Variants in CLIP3 observed in about 807,000 individuals in gnomAD.
The protein encoded by CLIP3 is CAP-Gly domain containing linker protein 3, also known as CAP-Gly domain-containing linker protein 3.
In CLIP3, 15 loss-of-function variants were observed where a neutral mutation model predicts 59.4. The observed-to-expected ratio is 0.25, with a 90% CI of 0.17 to 0.39. The LOEUF (loss-of-function observed/expected upper bound fraction) is 0.39. Among genes scored for constraint, CLIP3 ranks in the 10% least tolerant of loss-of-function variants. The pLI is 1.00. For synonymous variants in CLIP3, 300 were observed against 321.6 expected, an observed-to-expected ratio of 0.93 and a Z score of 0.72; for missense variants, 495 against 765.7, an observed-to-expected ratio of 0.65 and a Z score of 4.17.
At chr19:36,018,090 C>T (rs2145389373) in intron 9 of CLIP3, 99 bp from the exon 10 acceptor site, 3 of 1,359,562 alleles carry the variant, frequency 2.2e-6, no homozygotes, top group Admixed American at 2.2e-5. Context: ...CCCTGTTCTT[C>T]GTTTGAAGTG....
Position 36,016,287 on chromosome 19 carries a change from C to T in CLIP3, c.1590-75G>A. 6.5e-7 allele frequency: 1 copy of T among 1,545,936 alleles called. No individual in the cohort carries two copies. On this transcript the variant is annotated intron_variant, in intron 13 of 13. Transcript: ENST00000360535. This position sits in a 1 kb window ranked among gnomAD's most constrained non-coding sequence, Gnocchi z 4.1. ...TCTGCACCCATCACCCCCAGCCTTT[C>T]CCCCAGTGTTTGCTATCAGGCCTTT...
In CLIP3 at chr19:36,026,371, C is replaced by T. The variant is rs143273776; in HGVS notation, c.563-106G>A. The T allele has an allele frequency of 1.1e-3, 1,237 of 1,167,110 alleles. 9 individuals are homozygous for T. In the African/African-American group the frequency reaches 0.017, roughly 16 times the overall value. 72.3% of individuals were successfully genotyped at this position (1,167,110 alleles called of 1,614,324 possible). ...AACTTGCAGGTCCCAGAGCCTCCGA[C>T]GCAGAGCCCCGCCCCCACCTCGGAG... On this transcript the variant is annotated intron_variant, in intron 5 of 13. Coordinates refer to ENST00000360535, the MANE Select transcript of CLIP3 (RefSeq NM_015526.3). The surrounding 1 kb of genome is among the most constrained non-coding windows in gnomAD (Gnocchi z 6.3).
intron 7 of CLIP3, among the ~76,000 whole-genome samples, chr19:36,021,131 G>C (rs910484332): frequency 1.3e-5 from 2 of 152,082 alleles, no homozygotes; most frequent in African/African-American, 2.4e-5. Flanking sequence ...TCCCCATCTT[G>C]GCCTCCCAAA....
At position 36,032,557 on chromosome 19, in the gene CLIP3, G is replaced by C. The variant is rs1370712841; in HGVS notation, c.-58-142C>G. 1 of 389,934 alleles carries C rather than the reference G, an allele frequency of 2.6e-6. No individual in the cohort carries two copies. Among genetic ancestry groups the C allele is most frequent in the Non-Finnish European group, 4.5e-6 (1 of 221,236 alleles). 24.2% of individuals were successfully genotyped at this position (389,934 alleles called of 1,614,324 possible). A position where few individuals can be genotyped will look rare whatever the true frequency, so the allele number is the denominator to read the frequency against. ...CCCCCGTTACCCATAGAGGGCCCCGGTGTGTGCGCCCAGCGCCTGCCACCT... is the reference window on the plus strand; with the variant it reads ...CCCCCGTTACCCATAGAGGGCCCCGCTGTGTGCGCCCAGCGCCTGCCACCT... On this transcript the variant is annotated intron_variant, in intron 1 of 13. Transcript: ENST00000360535. The surrounding 1 kb of genome is among the most constrained non-coding windows in gnomAD (Gnocchi z 4.3).
At chr19:36,031,231 G>A (rs1055128495) in intron 2 of CLIP3, among the ~76,000 whole-genome samples, 4 of 151,558 alleles carry the variant, frequency 2.6e-5, no homozygotes, top group African/African-American at 9.7e-5. Context: ...GGCCATGGCT[G>A]GTCTCAAACT....
intron 6 of CLIP3, among the ~76,000 whole-genome samples, chr19:36,024,912 A>G (rs1019554893): frequency 1.3e-5 from 2 of 152,112 alleles, no homozygotes; most frequent in Non-Finnish European, 2.9e-5. Context: ...CTAAAAATAC[A>G]AAAATTAGCC....
intron 2 of CLIP3, 124 bp from the exon 3 acceptor site, chr19:36,027,395 T>C (rs1969142541): frequency 9.6e-7 from 1 of 1,039,192 alleles, no homozygotes; most frequent in African/African-American, 1.6e-5. Flanking sequence ...TGGTGGCACA[T>C]GGGCCACAGT....
chr19:36,023,965 C>T (rs1454752856), intron 7 of CLIP3, among the ~76,000 whole-genome samples: 2 of 152,200 alleles, frequency 1.3e-5, no homozygotes, highest in East Asian at 3.8e-4. Flanking sequence ...CTGGCTTGCT[C>T]CTCCACATCT....
At chr19:36,031,939 G>A (rs147108413) in intron 2 of CLIP3, among the ~76,000 whole-genome samples, 109 of 152,224 alleles carry the variant, frequency 7.2e-4, no homozygotes, top group African/African-American at 2.5e-3. Context: ...GTCCACAGCC[G>A]CTTTCAAAAA....
At chr19:36,023,194 G>A (rs556401912) in intron 7 of CLIP3, among the ~76,000 whole-genome samples, 2 of 152,292 alleles carry the variant, frequency 1.3e-5, no homozygotes, top group South Asian at 4.1e-4. Context: ...AGCCAAGATC[G>A]TGCCACTGCA....
intron 12 of CLIP3, 43 bp downstream of exon 12, chr19:36,017,343 C>A (rs181016207): frequency 3.1e-4 from 485 of 1,587,746 alleles, no homozygotes; most frequent in Admixed American, 8.8e-4. Flanking sequence ...TTCCTCCCAT[C>A]CCCAAACGTA....
intron 2 of CLIP3, among the ~76,000 whole-genome samples, chr19:36,031,007 TCTTTTTTTTTTTTTTC>T (rs1568545514): frequency 6.6e-4 from 51 of 76,986 alleles, no homozygotes; most frequent in African/African-American, 2.9e-3. Context: ...TTTTTTCTTT[TCTTTTTTTTTTTTTTC>T]TTTTTTTTTT....
Position 36,026,366 on chromosome 19 carries a change from TCCGACGCAGAGC to T in CLIP3, c.563-113_563-102del. 8.2e-7 allele frequency: 1 copy of T among 1,221,288 alleles called. No homozygotes were observed. Among genetic ancestry groups the T allele is most frequent in the Non-Finnish European group, 1.2e-6 (1 of 850,054 alleles). 75.7% of individuals were successfully genotyped at this position (1,221,288 alleles called of 1,614,324 possible). A position where few individuals can be genotyped will look rare whatever the true frequency, so the allele number is the denominator to read the frequency against. ...CTCTTAACTTGCAGGTCCCAGAGCC[TCCGACGCAGAGC>T]CCCGCCCCCACCTCGGAGCCCCCCT... On this transcript the variant is annotated intron_variant, in intron 5 of 13. Coordinates refer to ENST00000360535, the MANE Select transcript of CLIP3 (RefSeq NM_015526.3). This position sits in a 1 kb window ranked among gnomAD's most constrained non-coding sequence, Gnocchi z 6.3.
chr19:36,026,993 G>A lies in CLIP3; in HGVS notation c.359C>T (p.Thr120Ile). ...AGCTTTGCACGCATAGTGGAGCAGT[G>A]TCATGTCGGTCAGCCCGTCACGATC... is the stretch of plus-strand genomic sequence containing the variant. ...VNDRDGLTDMTLLHYACKAGA... is the reference protein window; with the variant it reads ...VNDRDGLTDMILLHYACKAGA... Residue 120 changes from threonine (T) to isoleucine (I), a missense_variant, in exon 4 of 14, where the codon ACA (threonine) becomes ATA (isoleucine). By Grantham distance (89) the Thr-to-Ile change is moderately conservative (BLOSUM62 -1). Coordinates refer to ENST00000360535, the MANE Select transcript of CLIP3 (RefSeq NM_015526.3). The surrounding 1 kb of genome is among the most constrained non-coding windows in gnomAD (Gnocchi z 6.3). The A allele has an allele frequency of 1.9e-6, 3 of 1,582,362 alleles. No individual in the cohort carries two copies. Among genetic ancestry groups the A allele is most frequent in the Non-Finnish European group, 2.6e-6 (3 of 1,167,606 alleles).
At chr19:36,019,611 T>TA (rs970423914) in intron 7 of CLIP3, among the ~76,000 whole-genome samples, 3 of 141,420 alleles carry the variant, frequency 2.1e-5, no homozygotes, top group African/African-American at 7.9e-5. Flanking sequence ...TTATTTATTT[T>TA]TTTTTTTTTC....
chr19:36,026,849 G>GC lies in CLIP3; in HGVS notation c.400+102dup. ...CAGGGACTATACTTTGGGATCCGAAGCTTCGGGTTCCAGATGGGGCCTGAG... is the reference window on the plus strand; with the variant it reads ...CAGGGACTATACTTTGGGATCCGAAGCCTTCGGGTTCCAGATGGGGCCTGAG... On this transcript the variant is annotated intron_variant, in intron 4 of 13. Transcript: ENST00000360535. This position sits in a 1 kb window ranked among gnomAD's most constrained non-coding sequence, Gnocchi z 6.3. 5 of 1,531,418 alleles carry GC rather than the reference G, an allele frequency of 3.3e-6. No homozygotes were observed. Among genetic ancestry groups the GC allele is most frequent in the Non-Finnish European group, 4.4e-6 (5 of 1,141,160 alleles). 94.9% of individuals were successfully genotyped at this position (1,531,418 alleles called of 1,614,324 possible).
Position 36,026,811 on chromosome 19 carries a change from G to GGACCCTGGGCTTCAGGGAC in CLIP3, c.401-83_401-65dup. 1.3e-6 allele frequency: 2 copies of GGACCCTGGGCTTCAGGGAC among 1,563,846 alleles called. No individual in the cohort carries two copies. Among genetic ancestry groups the GGACCCTGGGCTTCAGGGAC allele is most frequent in the Non-Finnish European group, 1.7e-6 (2 of 1,159,220 alleles). On this transcript the variant is annotated intron_variant, in intron 4 of 13. Coordinates refer to ENST00000360535, the MANE Select transcript of CLIP3 (RefSeq NM_015526.3). The surrounding 1 kb of genome is among the most constrained non-coding windows in gnomAD (Gnocchi z 6.3). ...AGAGCATGGGCCCAGTGCACGGGGA[G>GGACCCTGGGCTTCAGGGAC]GACCCTGGGCTTCAGGGACTATACT...
chr19:36,030,966 T>A (rs1021104579), intron 2 of CLIP3, among the ~76,000 whole-genome samples: 5 of 151,456 alleles, frequency 3.3e-5, no homozygotes, highest in Non-Finnish European at 7.4e-5. Context: ...CATTATCGTA[T>A]CTCCACCTTT....
chr19:36,017,519 C>T, intron 11 of CLIP3, 69 bp from the exon 12 acceptor site: 1 of 1,604,258 alleles, frequency 6.2e-7, no homozygotes, highest in Non-Finnish European at 8.5e-7. Context: ...GAGCTGGGCC[C>T]CAGGGATCTA....
Sources: gnomAD v4.1 joint callset for allele counts (sites outside exome capture counted in the v4.1 genomes callset) on GRCh38, gnomAD v4.1.1 for gene constraint, Gnocchi (gnomAD v3.1) non-coding constraint, MANE v1.5 for transcripts, NCBI Gene and HGNC (gene_info 2026-07-23, HGNC 2026-07-21) for gene names.